Variants in RTN4RL1 observed in about 807,000 individuals in gnomAD.
RTN4RL1 encodes reticulon 4 receptor like 1, also known as reticulon-4 receptor-like 1.
In RTN4RL1, 7 loss-of-function variants were observed where a neutral mutation model predicts 25.6. That is an observed-to-expected ratio of 0.27 (90% CI 0.16 to 0.51). The LOEUF is 0.51. Among genes scored for constraint, RTN4RL1 ranks in the 20% least tolerant of loss-of-function variants. The pLI is 0.97. For synonymous variants in RTN4RL1, 297 were observed against 288.2 expected, an observed-to-expected ratio of 1.03 and a Z score of -0.31; for missense variants, 500 against 615.6, an observed-to-expected ratio of 0.81 and a Z score of 1.99.
intron 1 of RTN4RL1, among the ~76,000 whole-genome samples, chr17:1,949,374 G>T (rs1180311474): frequency 6.6e-6 from 1 of 152,202 alleles, no homozygotes; most frequent in East Asian, 1.9e-4. Flanking sequence ...TGGGATTACA[G>T]GCGTGAGCCA....
At chr17:2,014,241 G>C (rs576816512) in intron 1 of RTN4RL1, among the ~76,000 whole-genome samples, 2 of 152,314 alleles carry the variant, frequency 1.3e-5, no homozygotes, top group South Asian at 2.1e-4. Context: ...CAGCATGAGG[G>C]ATCTGGAGGG....
intron 1 of RTN4RL1, among the ~76,000 whole-genome samples, chr17:1,960,095 C>T (rs1302662233): frequency 2.6e-5 from 4 of 152,110 alleles, no homozygotes; most frequent in Non-Finnish European, 5.9e-5. Flanking sequence ...ATTCTCCATT[C>T]TTCCCTTTCC....
chr17:1,992,358 C>CA (rs1021180493), intron 1 of RTN4RL1, among the ~76,000 whole-genome samples: 646 of 51,938 alleles, frequency 0.012, 4 homozygotes, highest in African/African-American at 0.02. Flanking sequence ...GACTCTGTCT[C>CA]AAAAAAAAAA....
chr17:1,943,053 G>A (rs1172073514), intron 1 of RTN4RL1, among the ~76,000 whole-genome samples: 3 of 152,190 alleles, frequency 2.0e-5, no homozygotes, highest in Admixed American at 6.5e-5. Context: ...GGCCCAGGCC[G>A]GCCAGCCACA....
chr17:1,972,134 C>T (rs2151313444), intron 1 of RTN4RL1, among the ~76,000 whole-genome samples: 1 of 149,954 alleles, frequency 6.7e-6, no homozygotes, highest in South Asian at 2.1e-4. Context: ...AAGATGCTGT[C>T]TCAAAAAATA....
chr17:1,942,888 G>A lies in RTN4RL1; in HGVS notation c.14-5080C>T, dbSNP rs78649721. On this transcript the variant is annotated intron_variant, in intron 1 of 1. Transcript: ENST00000331238. ...GGCCCTGCAGTGGGAAGGGGGCGAC[G>A]TGCCCCTTCCTACCCTGGCTCTGTC... Among the ~76,000 whole-genome samples, 23 of 152,316 alleles carry A rather than the reference G, an allele frequency of 1.5e-4. No homozygotes were observed. The East Asian group carries it at 3.3e-3, about 22-fold the overall frequency.
intron 1 of RTN4RL1, among the ~76,000 whole-genome samples, chr17:2,023,104 G>A (rs2067230146): frequency 6.6e-6 from 1 of 152,172 alleles, no homozygotes; most frequent in South Asian, 2.1e-4. Context: ...GACCAAAAGG[G>A]AAATGAGATG....
intron 1 of RTN4RL1, among the ~76,000 whole-genome samples, chr17:2,007,105 T>C (rs1029123211): frequency 6.6e-6 from 1 of 152,104 alleles, no homozygotes; most frequent in African/African-American, 2.4e-5. Context: ...TTTTCTCAGC[T>C]ATAAGGTCCC....
chr17:2,007,337 A>ACACAC lies in RTN4RL1; in HGVS notation c.13+17515_13+17516insGTGTG, dbSNP rs1352398594. Among the ~76,000 whole-genome samples the ACACAC allele has an allele frequency of 5.1e-3, 711 of 140,400 alleles. 4 individuals are homozygous for ACACAC. Among genetic ancestry groups the ACACAC allele is most frequent in the African/African-American group, 0.014 (534 of 36,932 alleles). 92.1% of individuals were successfully genotyped at this position (140,400 alleles called of 152,430 possible). A position where few individuals can be genotyped will look rare whatever the true frequency, so the allele number is the denominator to read the frequency against. On this transcript the variant is annotated intron_variant, in intron 1 of 1. Coordinates refer to ENST00000331238, the MANE Select transcript of RTN4RL1 (RefSeq NM_178568.4). ...AGACCTAGGCCATGTTCACAGCCCC[A>ACACAC]ACACACACACACACACACACACACA...
At chr17:2,024,395 G>A (rs2067247472) in intron 1 of RTN4RL1, among the ~76,000 whole-genome samples, 1 of 152,196 alleles carries the variant, frequency 6.6e-6, no homozygotes, top group Admixed American at 6.5e-5. Flanking sequence ...TGGGGAGCTA[G>A]GGCGCGCGGG....
chr17:2,016,591 G>C (rs772368448), intron 1 of RTN4RL1, among the ~76,000 whole-genome samples: 1 of 152,222 alleles, frequency 6.6e-6, no homozygotes, highest in South Asian at 2.1e-4. Context: ...CGTGACAAGG[G>C]CAAAGCCAGG....
At chr17:2,003,764 G>C (rs1453774488) in intron 1 of RTN4RL1, 1 of 152,362 alleles carries the variant, frequency 6.6e-6, no homozygotes, top group Non-Finnish European at 1.5e-5. Flanking sequence ...AACTTCGAGA[G>C]GAACCAAGCA....
chr17:1,974,717 G>A (rs2066835175), intron 1 of RTN4RL1, among the ~76,000 whole-genome samples: 1 of 151,796 alleles, frequency 6.6e-6, no homozygotes, highest in Admixed American at 6.6e-5. Flanking sequence ...AGCCTGTGGG[G>A]GTGGGGAGGG....
At chr17:1,983,856 G>A (rs571826039) in intron 1 of RTN4RL1, among the ~76,000 whole-genome samples, 1 of 151,958 alleles carries the variant, frequency 6.6e-6, no homozygotes, top group East Asian at 1.9e-4. Flanking sequence ...ACCTAACTCC[G>A]TACTCATGAC....
intron 1 of RTN4RL1, among the ~76,000 whole-genome samples, chr17:2,006,076 C>T (rs144517314): frequency 8.4e-5 from 12 of 143,164 alleles, no homozygotes; most frequent in Middle Eastern, 3.5e-3. Flanking sequence ...GGATTACAGG[C>T]GTGAGCCACC....
At chr17:2,021,788 CCG>C (rs1418730381) in intron 1 of RTN4RL1, among the ~76,000 whole-genome samples, 1 of 150,912 alleles carries the variant, frequency 6.6e-6, no homozygotes, top group Non-Finnish European at 1.5e-5. Context: ...CTCCTGACCT[CCG>C]GTGATCCTCC....
At chr17:1,965,113 TC>T (rs1481386913) in intron 1 of RTN4RL1, among the ~76,000 whole-genome samples, 11 of 126,610 alleles carry the variant, frequency 8.7e-5, no homozygotes, top group Non-Finnish European at 8.9e-5. Context: ...TTTCTTTCTT[TC>T]TTTTTTTTTT....
At chr17:1,939,616 C>T (rs975384361) in intron 1 of RTN4RL1, among the ~76,000 whole-genome samples, 16 of 152,160 alleles carry the variant, frequency 1.1e-4, no homozygotes, top group Non-Finnish European at 2.4e-4. Context: ...CTGTAGCTTC[C>T]CTCTAATTGG....
At chr17:1,985,834 T>C (rs1339835911) in intron 1 of RTN4RL1, among the ~76,000 whole-genome samples, 1 of 152,078 alleles carries the variant, frequency 6.6e-6, no homozygotes, top group Non-Finnish European at 1.5e-5. Flanking sequence ...GTGTGGAATC[T>C]CTGCAATTTG....
Sources: allele counts gnomAD v4.1 joint callset (sites outside exome capture counted in the v4.1 genomes callset), GRCh38; gene constraint gnomAD v4.1.1; transcripts MANE v1.5; gene names NCBI Gene and HGNC (gene_info 2026-07-23, HGNC 2026-07-21).